The following STX6 variants were observed in gnomAD, a reference collection of about 807,000 sequenced individuals.
STX6 encodes the protein syntaxin-6.
STX6 carries 23 observed loss-of-function variants against 38.0 expected under a neutral mutation model. That is an observed-to-expected ratio of 0.60 (90% confidence interval 0.43 to 0.86). The LOEUF (loss-of-function observed/expected upper bound fraction) is 0.86. Ranked by LOEUF, STX6 falls within the 40% of genes least tolerant of loss-of-function variation. STX6 has a pLI of 0.00. For missense variants in STX6, 274 were observed against 312.9 expected (o/e 0.88, Z 0.94); for synonymous variants, 123 against 107.5 (o/e 1.14, Z -0.89).
At chr1:180,981,180 G>A (rs892032424) in intron 7 of STX6, among the ~76,000 whole-genome samples, 1 of 152,134 alleles carries the variant, frequency 6.6e-6, no homozygotes, top group East Asian at 1.9e-4. Flanking sequence ...CGGTCTTTGC[G>A]GATGATTAAT....
intron 1 of STX6, among the ~76,000 whole-genome samples, chr1:181,013,914 C>T (rs1190490133): frequency 2.6e-5 from 4 of 152,314 alleles, no homozygotes; most frequent in Admixed American, 2.0e-4. Context: ...GTAGCCTATA[C>T]TTGTGTTCCA....
intron 7 of STX6, 31 bp downstream of exon 7, chr1:180,984,646 C>T (rs1021063052): frequency 3.0e-6 from 3 of 1,010,102 alleles, no homozygotes; most frequent in East Asian, 2.5e-5. Flanking sequence ...GAATTAAGTA[C>T]AAATGCTTAA....
At chr1:180,976,809 GCT>G (rs1655271104) in intron 7 of STX6, among the ~76,000 whole-genome samples, 163 bp from the exon 8 acceptor site, 1 of 152,208 alleles carries the variant, frequency 6.6e-6, no homozygotes, top group South Asian at 2.1e-4. Flanking sequence ...CTCTAATGCT[GCT>G]CTGTTCTTGG....
intron 5 of STX6, 150 bp downstream of exon 5, chr1:180,989,834 A>C (rs1277929493): frequency 1.0e-6 from 1 of 955,258 alleles, no homozygotes; most frequent in Non-Finnish European, 1.6e-6. Context: ...GAAACCCTTT[A>C]CATATGCAAT....
At chr1:181,006,779 C>T (rs557252669) in intron 1 of STX6, among the ~76,000 whole-genome samples, 1 of 152,266 alleles carries the variant, frequency 6.6e-6, no homozygotes, top group African/African-American at 2.4e-5. Context: ...AAAAAAAGCA[C>T]CTTACAATAT....
intron 1 of STX6, among the ~76,000 whole-genome samples, chr1:181,015,989 G>T (rs1656545319): frequency 6.6e-6 from 1 of 152,204 alleles, no homozygotes; most frequent in Admixed American, 6.5e-5. Flanking sequence ...AGAATCAGAA[G>T]ATCTGGGTTT....
intron 1 of STX6, among the ~76,000 whole-genome samples, chr1:181,014,686 C>T (rs1009960538): frequency 1.3e-5 from 2 of 152,186 alleles, no homozygotes; most frequent in African/African-American, 4.8e-5. Flanking sequence ...CCCCATACCC[C>T]ACAAACCTGG....
chr1:180,988,572 C>T (rs1409403069), intron 5 of STX6: 13 of 435,998 alleles, frequency 3.0e-5, no homozygotes, highest in East Asian at 1.9e-4. Flanking sequence ...GAACAGTCAG[C>T]GGGGCTTGAA....
intron 6 of STX6, among the ~76,000 whole-genome samples, chr1:180,986,066 T>C (rs907505177): frequency 1.3e-5 from 2 of 152,242 alleles, no homozygotes; most frequent in Non-Finnish European, 2.9e-5. Flanking sequence ...AGGGCCAAAC[T>C]CTAAAAAGCA....
In STX6 at chr1:180,988,233, A is replaced by G. The variant is rs377395854; in HGVS notation, c.596+6T>C. 16 of 1,610,380 alleles carry G rather than the reference A, an allele frequency of 9.9e-6. No individual in the cohort carries two copies. The African/African-American group carries it at 1.5e-4, about 15-fold the overall frequency. ...ACTGAAGCGAGAGGGGTGTCTCAAT[A>G]CTCACACTGCCTGTTCCTCCAGCTC... On this transcript the variant is annotated splice_donor_region_variant and intron_variant, in intron 6 of 7. Transcript: ENST00000258301.
intron 1 of STX6, among the ~76,000 whole-genome samples, chr1:181,009,235 G>A (rs1275298082): frequency 3.3e-5 from 5 of 152,162 alleles, no homozygotes. Flanking sequence ...GGGAGGCCAA[G>A]GCAGGTGGAT....
At chr1:180,993,540 C>T (rs767469486) in intron 3 of STX6, 115 bp from the exon 4 acceptor site, 7 of 518,734 alleles carry the variant, frequency 1.3e-5, no homozygotes, top group African/African-American at 2.0e-5. Context: ...AAAAGAAGAC[C>T]GCATTTCTTG....
At chr1:181,002,214 G>T (rs115563902) in intron 3 of STX6, among the ~76,000 whole-genome samples, 5 of 151,112 alleles carry the variant, frequency 3.3e-5, no homozygotes, top group Admixed American at 2.0e-4. Context: ...GTACAGTGAC[G>T]TGATCATAGC....
intron 1 of STX6, among the ~76,000 whole-genome samples, chr1:181,005,686 G>C (rs766873512): frequency 6.6e-6 from 1 of 152,192 alleles, no homozygotes; most frequent in Non-Finnish European, 1.5e-5. Flanking sequence ...TATTTAAGCA[G>C]CTACAATATC....
intron 3 of STX6, 124 bp downstream of exon 3, chr1:181,002,482 C>T: frequency 3.3e-6 from 2 of 613,358 alleles, no homozygotes; most frequent in Non-Finnish European, 5.6e-6. Context: ...TGGGGAAGCT[C>T]ACATTTAATT....
rs924928002 is a variant in STX6 at position 181,005,186 on chromosome 1, C to T, written c.205+108G>A. The T allele has an allele frequency of 3.3e-6, 5 of 1,515,320 alleles. No homozygotes were observed. The South Asian group carries it at 4.0e-5, about 12-fold the overall frequency. 93.9% of individuals were successfully genotyped at this position (1,515,320 alleles called of 1,614,324 possible). Reference sequence around the variant, plus strand: ...TCATGGTACAAGTAAGAGCAACAAACATTAATCGATTATAAAATGTTTCAT... The same window carrying T: ...TCATGGTACAAGTAAGAGCAACAAATATTAATCGATTATAAAATGTTTCAT... On this transcript the variant is annotated intron_variant, in intron 2 of 7. Coordinates refer to ENST00000258301, the MANE Select transcript of STX6 (RefSeq NM_005819.6).
At chr1:180,987,078 C>T (rs1403505708) in intron 6 of STX6, among the ~76,000 whole-genome samples, 5 of 152,170 alleles carry the variant, frequency 3.3e-5, no homozygotes, top group Non-Finnish European at 7.3e-5. Flanking sequence ...AATAAGTAGT[C>T]GTACCTCCTT....
At chr1:180,979,368 G>C (rs1655339517) in intron 7 of STX6, among the ~76,000 whole-genome samples, 1 of 152,208 alleles carries the variant, frequency 6.6e-6, no homozygotes, top group Non-Finnish European at 1.5e-5. Flanking sequence ...CAATGGAACA[G>C]ACAGTCCAGA....
At chr1:180,989,937 G>C in intron 5 of STX6, 47 bp downstream of exon 5, 1 of 1,608,468 alleles carries the variant, frequency 6.2e-7, no homozygotes, top group South Asian at 1.1e-5. Flanking sequence ...CTAAGGGGGT[G>C]TCTTGTTTCC....
Sources: allele counts gnomAD v4.1 joint callset (sites outside exome capture counted in the v4.1 genomes callset), GRCh38; gene constraint gnomAD v4.1.1; transcripts MANE v1.5; gene names NCBI Gene and HGNC (gene_info 2026-07-23, HGNC 2026-07-21).